CPED1: variants seen among roughly 807,000 people sequenced by gnomAD.
The protein encoded by CPED1 is cadherin-like and PC-esterase domain-containing protein 1.
A neutral mutation model predicts 128.2 loss-of-function variants in CPED1; 114 were observed. That is an observed-to-expected ratio of 0.89 (90% CI 0.76 to 1.04). CPED1 has a LOEUF of 1.04. Among genes scored for constraint, CPED1 ranks in the 50% least tolerant of loss-of-function variants. The pLI is 0.00. For missense variants in CPED1, 1,211 were observed against 1,207.1 expected (o/e 1.00, Z -0.05); for synonymous variants, 462 against 426.7 (o/e 1.08, Z -1.02).
intron 5 of CPED1, among the ~76,000 whole-genome samples, chr7:121,093,397 TACACACACAC>T (rs10526224): frequency 2.7e-5 from 4 of 145,470 alleles, no homozygotes; most frequent in Admixed American, 6.9e-5. Flanking sequence ...CCTTTTTCTG[TACACACACAC>T]ACACACACAC....
intron 16 of CPED1, among the ~76,000 whole-genome samples, chr7:121,224,414 G>A (rs905806908): frequency 3.3e-5 from 5 of 152,206 alleles, no homozygotes; most frequent in African/African-American, 9.6e-5. Flanking sequence ...GCTATGTGGT[G>A]ATGAGAAGAA....
chr7:121,238,337 C>G (rs1277897577), intron 17 of CPED1, among the ~76,000 whole-genome samples: 1 of 152,084 alleles, frequency 6.6e-6, no homozygotes, highest in Non-Finnish European at 1.5e-5. Flanking sequence ...ATATTTCCAG[C>G]CTCCTCCCAG....
intron 3 of CPED1, among the ~76,000 whole-genome samples, chr7:121,036,721 TTC>T (rs1198413773): frequency 6.6e-6 from 1 of 152,110 alleles, no homozygotes; most frequent in Non-Finnish European, 1.5e-5. Flanking sequence ...CCACACTGTT[TTC>T]CATAGTGGTT....
intron 5 of CPED1, among the ~76,000 whole-genome samples, chr7:121,084,944 T>C (rs1176703573): frequency 6.6e-6 from 1 of 152,254 alleles, no homozygotes; most frequent in Non-Finnish European, 1.5e-5. Flanking sequence ...ACAAATCTAT[T>C]TGTGGCCTTT....
intron 16 of CPED1, among the ~76,000 whole-genome samples, chr7:121,162,530 G>C (rs1217716886): frequency 1.3e-5 from 2 of 152,184 alleles, no homozygotes; most frequent in African/African-American, 4.8e-5. Flanking sequence ...TAATTGAAGA[G>C]AAGGGATACA....
intron 5 of CPED1, among the ~76,000 whole-genome samples, chr7:121,085,777 A>AT (rs1465798104): frequency 3.3e-5 from 5 of 152,312 alleles, no homozygotes; most frequent in Middle Eastern, 3.4e-3. Context: ...GTCATCTCTC[A>AT]TTGACGATAG....
At chr7:121,040,375 A>T (rs1793018318) in intron 3 of CPED1, among the ~76,000 whole-genome samples, 1 of 152,116 alleles carries the variant, frequency 6.6e-6, no homozygotes, top group South Asian at 2.1e-4. Context: ...ACAATCATAG[A>T]TAAAATTAAT....
At chr7:121,152,140 C>G (rs1796173564) in intron 16 of CPED1, among the ~76,000 whole-genome samples, 1 of 152,100 alleles carries the variant, frequency 6.6e-6, no homozygotes, top group Non-Finnish European at 1.5e-5. Context: ...CAAAGCAGAG[C>G]AGGCCCCTAC....
intron 18 of CPED1, among the ~76,000 whole-genome samples, chr7:121,247,517 C>T (rs190731423): frequency 3.3e-5 from 5 of 152,246 alleles, no homozygotes; most frequent in Admixed American, 2.6e-4. Flanking sequence ...AACACAGATG[C>T]TAAGGCTGAG....
chr7:121,067,767 T>C (rs1406461958), intron 5 of CPED1, among the ~76,000 whole-genome samples: 2 of 152,104 alleles, frequency 1.3e-5, no homozygotes, highest in African/African-American at 4.8e-5. Context: ...ACCTCCTCTC[T>C]AGCACCTGTT....
At chr7:121,199,544 G>A (rs553883266) in intron 16 of CPED1, among the ~76,000 whole-genome samples, 2 of 151,508 alleles carry the variant, frequency 1.3e-5, no homozygotes, top group East Asian at 3.9e-4. Flanking sequence ...GGGGGTGGTG[G>A]TGCACACCTG....
At chr7:121,219,105 A>C (rs1797821995) in intron 16 of CPED1, among the ~76,000 whole-genome samples, 3 of 152,070 alleles carry the variant, frequency 2.0e-5, no homozygotes, top group Admixed American at 1.3e-4. Flanking sequence ...AAAGAACTGA[A>C]TGTTGTATCT....
rs1796264785 is a variant in CPED1 at position 120,988,914 on chromosome 7, T to TA, written c.-232+4dup. 6.6e-6 allele frequency: 1 copy of TA among 152,180 alleles called. No homozygotes were observed. Among genetic ancestry groups the TA allele is most frequent in the South Asian group, 2.1e-4 (1 of 4,826 alleles). 9.4% of individuals were successfully genotyped at this position (152,180 alleles called of 1,614,324 possible). A position where few individuals can be genotyped will look rare whatever the true frequency, so the allele number is the denominator to read the frequency against. Reference sequence around the variant, plus strand: ...CCTGGCTAAAAGGATGAAAACTGAGTAAGTACATAGAACTTTGAACTTGAG... The same window carrying TA: ...CCTGGCTAAAAGGATGAAAACTGAGTAAAGTACATAGAACTTTGAACTTGAG... On this transcript the variant is annotated splice_region_variant and intron_variant, in intron 1 of 22. Transcript: ENST00000310396.
intron 22 of CPED1, among the ~76,000 whole-genome samples, chr7:121,293,889 C>A (rs1383741681): frequency 6.6e-6 from 1 of 152,024 alleles, no homozygotes; most frequent in Non-Finnish European, 1.5e-5. Context: ...GTTGGAAATG[C>A]AGAAATCACC....
chr7:121,092,452 T>C (rs1794596578), intron 5 of CPED1, among the ~76,000 whole-genome samples: 1 of 152,178 alleles, frequency 6.6e-6, no homozygotes, highest in South Asian at 2.1e-4. Context: ...CAGGATGTGT[T>C]TGGTGCTTGG....
intron 3 of CPED1, among the ~76,000 whole-genome samples, chr7:121,034,414 T>A (rs1485067232): frequency 2.0e-5 from 3 of 151,726 alleles, no homozygotes; most frequent in Non-Finnish European, 4.4e-5. Flanking sequence ...TGCCCAGCTA[T>A]TTTTTATATT....
intron 2 of CPED1, among the ~76,000 whole-genome samples, chr7:120,994,657 G>GTAGT (rs1554418493): frequency 6.7e-6 from 1 of 149,196 alleles, no homozygotes; most frequent in African/African-American, 2.5e-5. Flanking sequence ...GTGTGTGTGT[G>GTAGT]TGTTGTTGTT....
At chr7:121,241,381 AAAAAG>A in intron 17 of CPED1, among the ~76,000 whole-genome samples, 3 of 146,788 alleles carry the variant, frequency 2.0e-5, no homozygotes, top group African/African-American at 5.0e-5. Flanking sequence ...AAAAAAAAAA[AAAAAG>A]AAATTATAAA....
chr7:121,005,419 T>TTA (rs1703211905), intron 2 of CPED1, among the ~76,000 whole-genome samples: 1 of 152,108 alleles, frequency 6.6e-6, no homozygotes, highest in African/African-American at 2.4e-5. Flanking sequence ...GTAGAATGAT[T>TTA]TATAATCCTT....
Sources: gnomAD v4.1 joint callset for allele counts (sites outside exome capture counted in the v4.1 genomes callset) on GRCh38, gnomAD v4.1.1 for gene constraint, MANE v1.5 for transcripts, NCBI Gene and HGNC (gene_info 2026-07-23, HGNC 2026-07-21) for gene names.